WDFY3: variants seen among roughly 807,000 people sequenced by gnomAD.
WDFY3 encodes the protein WD repeat and FYVE domain-containing protein 3.
In WDFY3, 66 loss-of-function variants were observed where a neutral mutation model predicts 409.6. That is an observed-to-expected ratio of 0.16 (90% CI 0.13 to 0.20). WDFY3 has a LOEUF of 0.20. WDFY3 is among the 10% of genes least tolerant of loss of function. The pLI is 1.00. For missense variants in WDFY3, 3,031 were observed against 4,298.1 expected (o/e 0.71, Z 8.24); for synonymous variants, 1,521 against 1,537.1 (o/e 0.99, Z 0.25).
chr4:84,707,416 A>T (rs893637068), intron 53 of WDFY3, among the ~76,000 whole-genome samples: 1 of 152,176 alleles, frequency 6.6e-6, no homozygotes, highest in Admixed American at 6.5e-5. Context: ...ACAAAGGTAG[A>T]CATGCCTTGG....
At chr4:84,934,242 C>T (rs985660319) in intron 1 of WDFY3, among the ~76,000 whole-genome samples, 2 of 152,010 alleles carry the variant, frequency 1.3e-5, no homozygotes, top group African/African-American at 2.4e-5. Context: ...TACCTCATTG[C>T]GGTTTTGATT....
intron 4 of WDFY3, 119 bp from the exon 5 acceptor site, chr4:84,850,144 A>G (rs1425504854): frequency 9.6e-7 from 1 of 1,040,798 alleles, no homozygotes; most frequent in African/African-American, 1.6e-5. Flanking sequence ...CTACACAGTT[A>G]CTTTGAATCT....
chr4:84,681,800 C>T (rs1727393442), intron 64 of WDFY3, among the ~76,000 whole-genome samples: 2 of 152,306 alleles, frequency 1.3e-5, no homozygotes. Context: ...GCATTGCTTT[C>T]AGTTATTCTG....
intron 61 of WDFY3, among the ~76,000 whole-genome samples, chr4:84,690,099 A>C (rs2148845218): frequency 6.6e-6 from 1 of 152,340 alleles, no homozygotes; most frequent in South Asian, 2.1e-4. Flanking sequence ...CCTTAAGTAT[A>C]TGACAAATGA....
At chr4:84,809,707 A>G in intron 14 of WDFY3, 180 bp downstream of exon 14, 1 of 555,190 alleles carries the variant, frequency 1.8e-6, no homozygotes, top group Non-Finnish European at 3.0e-6. Context: ...CATGCTAAAA[A>G]AAAAAAAAAA....
Position 84,850,928 on chromosome 4 carries a change from G to GTTTTTTTTTTTTTTTTTTTTTT in WDFY3, c.181-925_181-904dup, listed in dbSNP as rs869074191. 5.0e-4 allele frequency among the ~76,000 whole-genome samples: 23 copies of GTTTTTTTTTTTTTTTTTTTTTT among 46,244 alleles called. 2 individuals are homozygous for GTTTTTTTTTTTTTTTTTTTTTT. The highest frequency in any genetic ancestry group is 5.3e-4 in the Admixed American group (2 of 3,784). The allele number at this position is 46,244 out of a possible 152,430, so 30.3% of individuals were successfully genotyped here. ...TTCTTATTTTTAATTTTATTTATCT[G>GTTTTTTTTTTTTTTTTTTTTTT]TTTTTTTTTTTTTTTTTTTTTTTTT... On this transcript the variant is annotated intron_variant, in intron 4 of 67. Transcript: ENST00000295888.
intron 3 of WDFY3, among the ~76,000 whole-genome samples, chr4:84,894,785 G>GAA (rs201916800): frequency 3.0e-5 from 4 of 133,362 alleles, no homozygotes; most frequent in Non-Finnish European, 4.9e-5. Flanking sequence ...GACTCAGTCT[G>GAA]AAAAAAAAAA....
chr4:84,933,878 T>A (rs987686421), intron 1 of WDFY3, among the ~76,000 whole-genome samples: 2 of 152,160 alleles, frequency 1.3e-5, no homozygotes, highest in African/African-American at 4.8e-5. Flanking sequence ...TATGGCTGAA[T>A]AGTATTCCAA....
chr4:84,790,892 T>C (rs965241398), intron 21 of WDFY3, among the ~76,000 whole-genome samples: 1 of 151,522 alleles, frequency 6.6e-6, no homozygotes, highest in African/African-American at 2.4e-5. Context: ...ATGCAAACCA[T>C]AAGCACAATG....
chr4:84,737,480 T>C, intron 40 of WDFY3, 114 bp from the exon 41 acceptor site: 2 of 1,239,664 alleles, frequency 1.6e-6, no homozygotes, highest in Non-Finnish European at 2.1e-6. Context: ...CTACAGTATT[T>C]AATGTAAAAA....
intron 47 of WDFY3, 62 bp from the exon 48 acceptor site, chr4:84,718,632 G>C: frequency 4.5e-6 from 7 of 1,561,916 alleles, no homozygotes; most frequent in Non-Finnish European, 4.3e-6. Flanking sequence ...ATTTTTGTTA[G>C]ACTACTACGG....
At chr4:84,946,813 G>C (rs985311297) in intron 1 of WDFY3, among the ~76,000 whole-genome samples, 2 of 144,240 alleles carry the variant, frequency 1.4e-5, no homozygotes. Flanking sequence ...TTCATTTTTT[G>C]TTTTTTTTTT....
intron 56 of WDFY3, among the ~76,000 whole-genome samples, chr4:84,698,890 G>A (rs1730593346): frequency 6.6e-6 from 1 of 152,090 alleles, no homozygotes; most frequent in Non-Finnish European, 1.5e-5. Flanking sequence ...TTTTCACCAT[G>A]TTAGCCAGGC....
chr4:84,854,184 A>G (rs1211936441), intron 4 of WDFY3, among the ~76,000 whole-genome samples: 1 of 152,162 alleles, frequency 6.6e-6, no homozygotes, highest in Non-Finnish European at 1.5e-5. Flanking sequence ...CAATCCAAAG[A>G]GACAAGGAAA....
intron 26 of WDFY3, 45 bp from the exon 27 acceptor site, chr4:84,778,700 A>G: frequency 6.3e-7 from 1 of 1,576,458 alleles, no homozygotes; most frequent in Admixed American, 1.8e-5. Flanking sequence ...ATCATCATAT[A>G]TATTCATTAC....
intron 10 of WDFY3, among the ~76,000 whole-genome samples, chr4:84,825,836 T>C (rs1300580553): frequency 6.6e-6 from 1 of 152,148 alleles, no homozygotes; most frequent in Admixed American, 6.6e-5. Context: ...ATTGAATACT[T>C]AGTAAGTGAC....
chr4:84,888,122 C>T (rs1046369762), intron 3 of WDFY3, among the ~76,000 whole-genome samples: 6 of 152,110 alleles, frequency 3.9e-5, no homozygotes, highest in East Asian at 1.9e-4. Flanking sequence ...GAGGATCTCC[C>T]GCTATCTTTA....
chr4:84,743,836 C>A, intron 36 of WDFY3, 37 bp from the exon 37 acceptor site: 3 of 1,461,744 alleles, frequency 2.1e-6, no homozygotes, highest in South Asian at 2.7e-5. Context: ...ACAGAACCAA[C>A]TAAAACAAAA....
At chr4:84,818,538 C>T (rs933656958) in intron 12 of WDFY3, among the ~76,000 whole-genome samples, 8 of 152,104 alleles carry the variant, frequency 5.3e-5, no homozygotes, top group Admixed American at 4.6e-4. Context: ...GTCCTCTCTG[C>T]TTAGTGGCTT....
Sources: allele counts gnomAD v4.1 joint callset (sites outside exome capture counted in the v4.1 genomes callset), GRCh38; gene constraint gnomAD v4.1.1; transcripts MANE v1.5; gene names NCBI Gene and HGNC (gene_info 2026-07-23, HGNC 2026-07-21).